ANKRD44: variants seen among roughly 807,000 people sequenced by gnomAD.
ANKRD44 encodes the protein ankyrin repeat domain 44, also known as serine/threonine-protein phosphatase 6 regulatory ankyrin repeat subunit B.
In ANKRD44, 35 loss-of-function variants were observed where a neutral mutation model predicts 116.0. The observed-to-expected ratio is 0.30, with a 90% confidence interval of 0.23 to 0.40. The LOEUF is 0.40. ANKRD44 is among the 10% of genes least tolerant of loss of function. The pLI, the probability that ANKRD44 is intolerant of heterozygous loss-of-function variation, is 1.00. For synonymous variants in ANKRD44, 435 were observed against 461.8 expected, an observed-to-expected ratio of 0.94 and a Z score of 0.74; for missense variants, 1,014 against 1,242.6, an observed-to-expected ratio of 0.82 and a Z score of 2.77.
intron 1 of ANKRD44, among the ~76,000 whole-genome samples, chr2:197,190,912 T>C (rs1466113871): frequency 6.6e-6 from 1 of 152,174 alleles, no homozygotes; most frequent in Non-Finnish European, 1.5e-5. Context: ...CACTAGCATA[T>C]ATAACACGAG....
chr2:197,246,590 A>C (rs1012828983), intron 1 of ANKRD44, among the ~76,000 whole-genome samples: 1 of 151,132 alleles, frequency 6.6e-6, no homozygotes, highest in Non-Finnish European at 1.5e-5. Flanking sequence ...TCTCGCTTAC[A>C]CTCAACAGTC....
chr2:197,224,877 A>T (rs2081666837), intron 1 of ANKRD44, among the ~76,000 whole-genome samples: 1 of 152,226 alleles, frequency 6.6e-6, no homozygotes. Flanking sequence ...TCCTAGTTGA[A>T]TTATAGAATT....
intron 1 of ANKRD44, among the ~76,000 whole-genome samples, chr2:197,281,902 G>A (rs1574436032): frequency 6.6e-6 from 1 of 152,166 alleles, no homozygotes; most frequent in African/African-American, 2.4e-5. Flanking sequence ...TGGTTGGTAG[G>A]TGTTAATGTA....
intron 4 of ANKRD44, 96 bp from the exon 5 acceptor site, chr2:197,126,133 G>A: frequency 1.6e-6 from 2 of 1,282,382 alleles, no homozygotes; most frequent in Non-Finnish European, 2.2e-6. Flanking sequence ...ACTATGGAGA[G>A]AAAGGCTCCC....
intron 16 of ANKRD44, among the ~76,000 whole-genome samples, chr2:197,043,208 CCTA>C (rs2076943293): frequency 6.6e-6 from 1 of 152,140 alleles, no homozygotes; most frequent in African/African-American, 2.4e-5. Flanking sequence ...CTGGACTTAT[CCTA>C]CTACCTCAAT....
chr2:197,021,363 G>A (rs1401283648), intron 17 of ANKRD44, among the ~76,000 whole-genome samples: 2 of 152,164 alleles, frequency 1.3e-5, no homozygotes, highest in Non-Finnish European at 1.5e-5. Flanking sequence ...CTAGATCCTT[G>A]AGGAATTGCC....
At chr2:196,998,853 T>C (rs1255634779) in intron 24 of ANKRD44, 54 bp downstream of exon 24, 1 of 1,592,430 alleles carries the variant, frequency 6.3e-7, no homozygotes, top group East Asian at 2.2e-5. Flanking sequence ...TGATTTGACA[T>C]TATTTTGGTT....
intron 1 of ANKRD44, among the ~76,000 whole-genome samples, chr2:197,309,821 G>C (rs962135428): frequency 5.1e-4 from 77 of 152,290 alleles, no homozygotes; most frequent in Middle Eastern, 3.4e-3. Flanking sequence ...CCTGCGGCGA[G>C]GACTGTCAAT....
In ANKRD44 at chr2:197,084,346, G is replaced by A. The variant is rs146165365; in HGVS notation, c.1317-837C>T. Reference sequence around the variant, plus strand: ...TCCACCCATCAAAACCCCACTCATCGTCTTGTCCCAGGGGCTAGTTCTCTT... The same window carrying A: ...TCCACCCATCAAAACCCCACTCATCATCTTGTCCCAGGGGCTAGTTCTCTT... On this transcript the variant is annotated intron_variant, in intron 13 of 27. Transcript: ENST00000282272. Among the ~76,000 whole-genome samples, 237 of 152,264 alleles carry A rather than the reference G, an allele frequency of 1.6e-3. 1 individual carries two copies. Among genetic ancestry groups the A allele is most frequent in the African/African-American group, 5.3e-3 (219 of 41,554 alleles).
In ANKRD44 at chr2:197,150,660, G is replaced by A. The variant is rs62279225; in HGVS notation, c.112-3555C>T. 3.3e-3 allele frequency among the ~76,000 whole-genome samples: 496 copies of A among 152,210 alleles called. 1 individual carries two copies. Among genetic ancestry groups the A allele is most frequent in the Admixed American group, 7.4e-3 (113 of 15,288 alleles). On this transcript the variant is annotated intron_variant, in intron 2 of 27. Transcript: ENST00000282272. Reference sequence around the variant, plus strand: ...CAGGAGGAAAATGTGACGAACATACGGTAAACATCATTTTAAATGAACTGA... The same window carrying A: ...CAGGAGGAAAATGTGACGAACATACAGTAAACATCATTTTAAATGAACTGA...
chr2:197,151,119 T>A (rs1471350807), intron 2 of ANKRD44, among the ~76,000 whole-genome samples: 20 of 21,630 alleles, frequency 9.2e-4, no homozygotes, highest in Admixed American at 1.6e-3. Flanking sequence ...AAGTTGAAAA[T>A]ATGCAAAAAA....
chr2:197,048,296 C>A (rs957850074), intron 16 of ANKRD44, among the ~76,000 whole-genome samples: 4 of 152,060 alleles, frequency 2.6e-5, no homozygotes, highest in Non-Finnish European at 5.9e-5. Context: ...ACCATCAACT[C>A]GTCATTTACA....
chr2:197,221,250 CAAA>C (rs71395676), intron 1 of ANKRD44, among the ~76,000 whole-genome samples: 1 of 131,454 alleles, frequency 7.6e-6, no homozygotes, highest in Non-Finnish European at 1.6e-5. Flanking sequence ...GACTCCATCT[CAAA>C]AAAAAAAAAA....
intron 2 of ANKRD44, among the ~76,000 whole-genome samples, chr2:197,160,956 T>G (rs1314976329): frequency 6.6e-6 from 1 of 152,210 alleles, no homozygotes; most frequent in Non-Finnish European, 1.5e-5. Flanking sequence ...CTTAGTAACT[T>G]AATTAGAAGT....
intron 3 of ANKRD44, among the ~76,000 whole-genome samples, chr2:197,143,219 C>T (rs1373307522): frequency 5.6e-5 from 8 of 143,316 alleles, no homozygotes; most frequent in Non-Finnish European, 1.1e-4. Flanking sequence ...TATTATTATA[C>T]TTTAAGTTTT....
chr2:197,001,668 A>G lies in ANKRD44; in HGVS notation c.2435+85T>C, dbSNP rs144679911. On this transcript the variant is annotated intron_variant, in intron 22 of 27. Coordinates refer to ENST00000282272, the MANE Select transcript of ANKRD44 (RefSeq NM_001195144.2). ...ATTTCAGTCTTATCTGTAATCTAAA[A>G]GACTTTTTTCCCTACAAAGCAACTT... The G allele has an allele frequency of 1.4e-3, 1,360 of 954,176 alleles. 10 individuals carry two copies. Among genetic ancestry groups the G allele is most frequent in the South Asian group, 0.011 (629 of 55,802 alleles). The allele number at this position is 954,176 out of a possible 1,614,324, so 59.1% of individuals were successfully genotyped here.
At chr2:197,235,431 C>G (rs190704673) in intron 1 of ANKRD44, among the ~76,000 whole-genome samples, 3 of 152,112 alleles carry the variant, frequency 2.0e-5, no homozygotes, top group African/African-American at 7.2e-5. Flanking sequence ...GCCTGGCCAA[C>G]ATGGCAAAAC....
intron 21 of ANKRD44, among the ~76,000 whole-genome samples, chr2:196,972,761 G>T (rs1167788620): frequency 1.3e-5 from 2 of 152,114 alleles, no homozygotes; most frequent in African/African-American, 4.8e-5. Context: ...CATACTAGTT[G>T]TTAAATATCT....
At chr2:197,228,725 A>G (rs2081780122) in intron 1 of ANKRD44, among the ~76,000 whole-genome samples, 1 of 152,222 alleles carries the variant, frequency 6.6e-6, no homozygotes, top group Non-Finnish European at 1.5e-5. Flanking sequence ...AAAGAAACAA[A>G]GGATCGAAGT....
Sources: gnomAD v4.1 joint callset for allele counts (sites outside exome capture counted in the v4.1 genomes callset) on GRCh38, gnomAD v4.1.1 for gene constraint, MANE v1.5 for transcripts, NCBI Gene and HGNC (gene_info 2026-07-23, HGNC 2026-07-21) for gene names.